NAPEPLD: variants seen among roughly 807,000 people sequenced by gnomAD.
NAPEPLD encodes N-acyl-phosphatidylethanolamine-hydrolyzing phospholipase D.
NAPEPLD carries 23 observed loss-of-function variants against 38.1 expected under a neutral mutation model. That is an observed-to-expected ratio of 0.60 (90% confidence interval 0.43 to 0.86). NAPEPLD has a LOEUF of 0.86. Among genes scored for constraint, NAPEPLD ranks in the 40% least tolerant of loss-of-function variants. The pLI, the probability that NAPEPLD is intolerant of heterozygous loss-of-function variation, is 0.00. For synonymous variants in NAPEPLD, 147 were observed against 162.0 expected (o/e 0.91, Z 0.71); for missense variants, 411 against 476.8 (o/e 0.86, Z 1.28).
At chr7:103,132,800 G>C (rs780068674) in intron 1 of NAPEPLD, among the ~76,000 whole-genome samples, 1 of 151,742 alleles carries the variant, frequency 6.6e-6, no homozygotes, top group African/African-American at 2.4e-5. Context: ...AAGAAAGAAA[G>C]AAAAGAAACA....
chr7:103,109,734 T>A (rs935097895), intron 4 of NAPEPLD, among the ~76,000 whole-genome samples: 1 of 151,172 alleles, frequency 6.6e-6, no homozygotes, highest in African/African-American at 2.4e-5. Flanking sequence ...AGACAAGAAA[T>A]AACTAAGATC....
intron 1 of NAPEPLD, among the ~76,000 whole-genome samples, chr7:103,133,527 G>T (rs944277509): frequency 3.9e-5 from 6 of 152,184 alleles, no homozygotes; most frequent in Non-Finnish European, 2.9e-5. Flanking sequence ...CAGCCCGAGA[G>T]TGGGTCACAC....
chr7:103,146,190 CCA>C (rs1317682922), intron 1 of NAPEPLD, among the ~76,000 whole-genome samples: 2 of 152,040 alleles, frequency 1.3e-5, no homozygotes, highest in Non-Finnish European at 2.9e-5. Context: ...TAAGATGTGA[CCA>C]GTTTTAGCTG....
rs1200159274 is a variant in NAPEPLD at position 103,122,300 on chromosome 7, T to C, written c.295-2077A>G. 2.6e-5 allele frequency among the ~76,000 whole-genome samples: 4 copies of C among 151,910 alleles called. No homozygotes were observed. In the East Asian group the frequency reaches 7.7e-4, roughly 29 times the overall value. On this transcript the variant is annotated intron_variant, in intron 2 of 4. Coordinates refer to ENST00000465647, the MANE Select transcript of NAPEPLD (RefSeq NM_001122838.3). The stretch of plus-strand genomic sequence containing the variant: ...ACATGCATGCATGTGCACACACACA[T>C]ACACACAGACATGACCCAATTATGT...
intron 1 of NAPEPLD, chr7:103,148,223 C>G (rs1293031218): frequency 1.8e-6 from 1 of 540,558 alleles, no homozygotes; most frequent in African/African-American, 2.1e-5. Flanking sequence ...TCAGAATTAT[C>G]AAGTAGCAAA....
In NAPEPLD at chr7:103,142,041, G is replaced by A. The variant is rs1811513384; in HGVS notation, c.-17+6770C>T. ...AATGTCAGGTGGGGCAGTTTCTCTA[G>A]ATAATTTTTAAAAGTTCTGTGGGTG... On this transcript the variant is annotated intron_variant, in intron 1 of 4. Transcript: ENST00000465647. The A allele has an allele frequency of 5.0e-6, 3 of 597,210 alleles. No individual in the cohort carries two copies. In the East Asian group the frequency reaches 8.2e-5, roughly 16 times the overall value. 37.0% of individuals were successfully genotyped at this position (597,210 alleles called of 1,614,324 possible). A position where few individuals can be genotyped will look rare whatever the true frequency, so the allele number is the denominator to read the frequency against.
intron 4 of NAPEPLD, among the ~76,000 whole-genome samples, chr7:103,110,989 T>C (rs1003021450): frequency 6.6e-6 from 1 of 152,264 alleles, no homozygotes; most frequent in East Asian, 1.9e-4. Flanking sequence ...AGTCAAATCA[T>C]GAGTGAACTC....
intron 1 of NAPEPLD, 65 bp downstream of exon 1, chr7:103,148,746 A>G: frequency 1.7e-5 from 15 of 884,566 alleles, no homozygotes; most frequent in South Asian, 5.2e-5. Flanking sequence ...TGAAGCAACA[A>G]TAAGTTGCTC....
At chr7:103,128,356 T>C in intron 2 of NAPEPLD, 127 bp downstream of exon 2, 1 of 1,110,024 alleles carries the variant, frequency 9.0e-7, no homozygotes, top group African/African-American at 1.6e-5. Flanking sequence ...CTTTAGGGCC[T>C]AGGTTACACC....
intron 1 of NAPEPLD, among the ~76,000 whole-genome samples, chr7:103,143,708 G>C (rs951531579): frequency 6.6e-6 from 1 of 152,144 alleles, no homozygotes; most frequent in South Asian, 2.1e-4. Context: ...GTCCAACTTT[G>C]GACTTCTTTC....
chr7:103,105,389 T>C (rs908398357), intron 4 of NAPEPLD, among the ~76,000 whole-genome samples: 1 of 152,154 alleles, frequency 6.6e-6, no homozygotes, highest in Non-Finnish European at 1.5e-5. Context: ...CAATAGAATA[T>C]ATTCAAAGTA....
At position 103,120,099 on chromosome 7, in the gene NAPEPLD, T is replaced by C; in HGVS notation, c.419A>G (p.Asp140Gly). 1 of 1,614,162 alleles carries C rather than the reference T, an allele frequency of 6.2e-7. No individual in the cohort carries two copies. The change falls in exon 3 of 5, where the codon GAT becomes GGT. Residue 140 changes from aspartate to glycine, a missense_variant. By Grantham distance (94) the Asp-to-Gly change is moderately conservative (BLOSUM62 -1). Transcript: ENST00000465647. ...GGGATCCGTGAGAAATATGAGCTCA[T>C]CCATTTCCACCATTACCGTGGCATG... ...LGHATVMVEM[D>G]ELIFLTDPIF...
chr7:103,125,729 C>CA (rs913669312), intron 2 of NAPEPLD, among the ~76,000 whole-genome samples: 11 of 151,294 alleles, frequency 7.3e-5, no homozygotes, highest in South Asian at 2.1e-4. Context: ...ACTAAAAATA[C>CA]AAAAAAAATT....
intron 2 of NAPEPLD, chr7:103,127,732 G>A (rs1419356682): frequency 6.6e-6 from 1 of 152,124 alleles, no homozygotes; most frequent in Non-Finnish European, 1.5e-5. Flanking sequence ...AGATGAAAGA[G>A]ATGTTGTTAA....
chr7:103,142,411 G>C (rs993198857), intron 1 of NAPEPLD, among the ~76,000 whole-genome samples: 3 of 152,072 alleles, frequency 2.0e-5, no homozygotes, highest in African/African-American at 7.2e-5. Flanking sequence ...TTCGAGACCA[G>C]CCTGGCCAAC....
At position 103,120,028 on chromosome 7, in the gene NAPEPLD, G is replaced by A. The variant is rs1806320500; in HGVS notation, c.490C>T (p.Arg164Ter). Residue 164 changes from arginine to a stop codon, truncating the protein, a stop_gained, in exon 3 of 5, where the codon CGA becomes TGA. Transcript: ENST00000465647. LOFTEE classifies it high-confidence loss of function. ...ATTGTGCACGGGGAACGACGAAATC[G>A]CTTTGGACCCATGTACTGCGATGGT... The part of the protein sequence containing the change: ...ASPSQYMGPK[R>*]FRRSPCTISE... 3 of 1,614,148 alleles carry A rather than the reference G, an allele frequency of 1.9e-6. No homozygotes were observed. Among genetic ancestry groups the A allele is most frequent in the East Asian group, 2.2e-5 (1 of 44,884 alleles).
intron 4 of NAPEPLD, among the ~76,000 whole-genome samples, chr7:103,108,134 C>CTTTT (rs56793237): frequency 3.4e-5 from 4 of 117,552 alleles, no homozygotes; most frequent in African/African-American, 1.3e-4. Flanking sequence ...ATTCAACATT[C>CTTTT]TTTTTTTTTT....
chr7:103,130,034 T>C (rs1808600116), intron 1 of NAPEPLD, among the ~76,000 whole-genome samples: 1 of 152,246 alleles, frequency 6.6e-6, no homozygotes, highest in Non-Finnish European at 1.5e-5. Context: ...GCCATGAATT[T>C]CATTTCTTTC....
At chr7:103,136,523 T>C (rs1300326354) in intron 1 of NAPEPLD, among the ~76,000 whole-genome samples, 5 of 150,458 alleles carry the variant, frequency 3.3e-5, no homozygotes, top group South Asian at 4.2e-4. Context: ...GAGGCAGAGG[T>C]TGCAGTGAGC....
Sources: gnomAD v4.1 joint callset for allele counts (sites outside exome capture counted in the v4.1 genomes callset) on GRCh38, gnomAD v4.1.1 for gene constraint, MANE v1.5 for transcripts, NCBI Gene and HGNC (gene_info 2026-07-23, HGNC 2026-07-21) for gene names.